Variants in NR3C2 observed in about 807,000 individuals in gnomAD.
NR3C2 encodes the protein mineralocorticoid receptor.
Under a neutral mutation model 86.4 loss-of-function variants are expected in NR3C2, and 15 were observed. The ratio of observed to expected loss-of-function variants is 0.17; its 90% CI spans 0.12 to 0.27. The LOEUF (loss-of-function observed/expected upper bound fraction) is 0.27, where lower values mean the gene tolerates loss of function less well. NR3C2 is among the 10% of genes least tolerant of loss of function. The pLI is 1.00. For missense variants in NR3C2, 960 were observed against 1,195.6 expected (o/e 0.80, Z 2.91); for synonymous variants, 458 against 450.5 (o/e 1.02, Z -0.21).
chr4:148,173,605 T>C (rs568956491), intron 4 of NR3C2, among the ~76,000 whole-genome samples: 1 of 152,384 alleles, frequency 6.6e-6, no homozygotes, highest in Admixed American at 6.5e-5. Context: ...TGACTCATTT[T>C]GGACTTCTGA....
At chr4:148,437,932 A>G (rs543280865) in intron 1 of NR3C2, among the ~76,000 whole-genome samples, 2 of 152,350 alleles carry the variant, frequency 1.3e-5, no homozygotes, top group Admixed American at 6.5e-5. Context: ...AATCTTCATA[A>G]TAGGCTATAT....
intron 3 of NR3C2, among the ~76,000 whole-genome samples, chr4:148,215,150 T>A (rs1367899090): frequency 1.3e-5 from 2 of 152,172 alleles, no homozygotes; most frequent in African/African-American, 4.8e-5. Flanking sequence ...TAACACAAAG[T>A]CTGTTCGGGG....
intron 3 of NR3C2, among the ~76,000 whole-genome samples, chr4:148,205,452 A>G (rs1736956680): frequency 6.9e-6 from 1 of 144,620 alleles, no homozygotes; most frequent in African/African-American, 2.4e-5. Flanking sequence ...ACTGTTATCA[A>G]TTTCTCTGTA....
chr4:148,190,444 C>T (rs6535589), intron 4 of NR3C2, among the ~76,000 whole-genome samples: 112,269 of 152,116 alleles, frequency 0.74, 42,493 homozygotes, highest in African/African-American at 0.92. Flanking sequence ...GCTTGTTTTA[C>T]GGCCTATCAT....
chr4:148,165,365 T>C (rs1006534444), intron 4 of NR3C2, among the ~76,000 whole-genome samples: 20 of 152,250 alleles, frequency 1.3e-4, no homozygotes, highest in African/African-American at 4.1e-4. Context: ...TTAGTGTAAT[T>C]TGTGTACTAA....
At chr4:148,420,354 T>TTTAA (rs1456993705) in intron 2 of NR3C2, among the ~76,000 whole-genome samples, 2 of 152,234 alleles carry the variant, frequency 1.3e-5, no homozygotes, top group African/African-American at 4.8e-5. Context: ...TTCTATTTTC[T>TTTAA]TTAAGCTAAT....
At chr4:148,131,928 G>GT (rs1258848391) in intron 6 of NR3C2, among the ~76,000 whole-genome samples, 1 of 152,180 alleles carries the variant, frequency 6.6e-6, no homozygotes, top group Non-Finnish European at 1.5e-5. Context: ...ATGTGACAAT[G>GT]TAAAAATCTA....
At chr4:148,403,632 G>C (rs1437952306) in intron 2 of NR3C2, among the ~76,000 whole-genome samples, 2 of 151,936 alleles carry the variant, frequency 1.3e-5, no homozygotes, top group Non-Finnish European at 2.9e-5. Flanking sequence ...TTTAAAATAA[G>C]GCAATAATAT....
Position 148,407,087 on chromosome 4 carries a change from C to T in NR3C2, c.1757+28017G>A, listed in dbSNP as rs189608085. 9.3e-4 allele frequency among the ~76,000 whole-genome samples: 141 copies of T among 152,210 alleles called. 1 individual carries two copies. Among genetic ancestry groups the T allele is most frequent in the African/African-American group, 3.1e-3 (129 of 41,548 alleles). ...TTATTCATTTACTCTTCACAACTAC[C>T]GAGTAAATTAAGCATATTATTACAA... On this transcript the variant is annotated intron_variant, in intron 2 of 8. Coordinates refer to ENST00000358102, the MANE Select transcript of NR3C2 (RefSeq NM_000901.5).
intron 2 of NR3C2, among the ~76,000 whole-genome samples, chr4:148,324,757 A>C (rs1743865687): frequency 6.6e-6 from 1 of 152,206 alleles, no homozygotes; most frequent in African/African-American, 2.4e-5. Flanking sequence ...TACTCATGTC[A>C]TATCAAAACA....
chr4:148,143,758 C>T (rs1733728481), intron 6 of NR3C2, among the ~76,000 whole-genome samples: 1 of 151,916 alleles, frequency 6.6e-6, no homozygotes, highest in Non-Finnish European at 1.5e-5. Flanking sequence ...CCAGCCTGAC[C>T]AACATGGGGA....
At chr4:148,303,739 T>C (rs1257207330) in intron 2 of NR3C2, among the ~76,000 whole-genome samples, 1 of 152,194 alleles carries the variant, frequency 6.6e-6, no homozygotes, top group Non-Finnish European at 1.5e-5. Flanking sequence ...CAAGTGATCA[T>C]GACAAATTCC....
At chr4:148,185,008 T>C (rs760996416) in intron 4 of NR3C2, among the ~76,000 whole-genome samples, 3 of 152,118 alleles carry the variant, frequency 2.0e-5, no homozygotes, top group Non-Finnish European at 4.4e-5. Context: ...CAGAGGTTGG[T>C]AGGATAAAAT....
At chr4:148,169,515 T>C (rs1410458464) in intron 4 of NR3C2, among the ~76,000 whole-genome samples, 2 of 151,096 alleles carry the variant, frequency 1.3e-5, no homozygotes, top group Non-Finnish European at 3.0e-5. Context: ...TTTATATATA[T>C]ATAAAATCAT....
At chr4:148,295,209 T>G (rs1170536511) in intron 2 of NR3C2, among the ~76,000 whole-genome samples, 3 of 152,132 alleles carry the variant, frequency 2.0e-5, no homozygotes, top group Non-Finnish European at 4.4e-5. Context: ...CAGAATAAGC[T>G]ACACTGTCAG....
intron 4 of NR3C2, among the ~76,000 whole-genome samples, chr4:148,161,870 G>C (rs1344934743): frequency 6.6e-6 from 1 of 152,158 alleles, no homozygotes; most frequent in African/African-American, 2.4e-5. Flanking sequence ...AGCTGGCTAT[G>C]ATAAGTTTTG....
At chr4:148,294,612 T>C (rs1368473200) in intron 2 of NR3C2, among the ~76,000 whole-genome samples, 1 of 151,940 alleles carries the variant, frequency 6.6e-6, no homozygotes, top group Non-Finnish European at 1.5e-5. Context: ...TAAATTTCAC[T>C]CTGATATTGT....
At chr4:148,323,708 A>G (rs1444821681) in intron 2 of NR3C2, among the ~76,000 whole-genome samples, 2 of 152,114 alleles carry the variant, frequency 1.3e-5, no homozygotes, top group Non-Finnish European at 2.9e-5. Context: ...TGTGCTTCCC[A>G]AGTGAGGCAA....
At chr4:148,102,532 T>C (rs1223800880) in intron 8 of NR3C2, among the ~76,000 whole-genome samples, 2 of 152,116 alleles carry the variant, frequency 1.3e-5, no homozygotes, top group Non-Finnish European at 2.9e-5. Context: ...GAGTTCTCTT[T>C]GACTTGCTCT....
Sources: allele counts gnomAD v4.1 joint callset (sites outside exome capture counted in the v4.1 genomes callset), GRCh38; gene constraint gnomAD v4.1.1; transcripts MANE v1.5; gene names NCBI Gene and HGNC (gene_info 2026-07-23, HGNC 2026-07-21).